Variants in ZFAND3 observed in about 807,000 individuals in gnomAD.
The protein encoded by ZFAND3 is AN1-type zinc finger protein 3.
ZFAND3 carries 10 observed loss-of-function variants against 29.6 expected under a neutral mutation model. The observed-to-expected ratio is 0.34, with a 90% CI of 0.21 to 0.57. The LOEUF (loss-of-function observed/expected upper bound fraction) is 0.57. ZFAND3 is among the 20% of genes least tolerant of loss of function. The pLI, the probability that ZFAND3 is intolerant of heterozygous loss-of-function variation, is 0.86. For missense variants in ZFAND3, 230 were observed against 304.5 expected (o/e 0.76, Z 1.82); for synonymous variants, 128 against 112.6 (o/e 1.14, Z -0.87).
At chr6:37,999,252 A>G (rs575550760) in intron 2 of ZFAND3, among the ~76,000 whole-genome samples, 1 of 152,346 alleles carries the variant, frequency 6.6e-6, no homozygotes, top group South Asian at 2.1e-4. Context: ...CCCGAAATAT[A>G]AAATAAATAT....
chr6:37,846,342 G>A (rs1764176552), intron 1 of ZFAND3, among the ~76,000 whole-genome samples: 1 of 152,208 alleles, frequency 6.6e-6, no homozygotes, highest in Admixed American at 6.6e-5. Context: ...AGGTGCAGCT[G>A]TTTGGAAGGC....
At chr6:38,065,734 C>T (rs1390238189) in intron 3 of ZFAND3, among the ~76,000 whole-genome samples, 1 of 152,112 alleles carries the variant, frequency 6.6e-6, no homozygotes, top group Non-Finnish European at 1.5e-5. Flanking sequence ...TGCTTTCAGT[C>T]ACTATAAGAT....
chr6:38,040,831 A>C (rs1763746368), intron 2 of ZFAND3, among the ~76,000 whole-genome samples: 1 of 152,240 alleles, frequency 6.6e-6, no homozygotes, highest in African/African-American at 2.4e-5. Flanking sequence ...ATTTAACCAC[A>C]GTACAATTAT....
At chr6:37,906,220 G>A (rs745314054) in intron 1 of ZFAND3, among the ~76,000 whole-genome samples, 7 of 152,028 alleles carry the variant, frequency 4.6e-5, no homozygotes, top group African/African-American at 7.2e-5. Flanking sequence ...CTCTGTATCC[G>A]CTTGCAGCCA....
intron 5 of ZFAND3, among the ~76,000 whole-genome samples, chr6:38,118,250 G>A (rs900653318): frequency 2.6e-5 from 4 of 152,142 alleles, no homozygotes; most frequent in African/African-American, 4.8e-5. Flanking sequence ...TGGTGATGTA[G>A]GGCAGGGACA....
chr6:37,891,160 C>T (rs992694879), intron 1 of ZFAND3, among the ~76,000 whole-genome samples: 1 of 152,174 alleles, frequency 6.6e-6, no homozygotes, highest in African/African-American at 2.4e-5. Context: ...TGGAATCATA[C>T]AATACGTGGT....
chr6:37,834,615 C>T (rs1304574649), intron 1 of ZFAND3, among the ~76,000 whole-genome samples: 1 of 152,116 alleles, frequency 6.6e-6, no homozygotes, highest in Non-Finnish European at 1.5e-5. Context: ...TTCCTATCAG[C>T]AGTGAATGAG....
chr6:38,140,104 AT>A (rs1275314240), intron 5 of ZFAND3, among the ~76,000 whole-genome samples: 1 of 152,228 alleles, frequency 6.6e-6, no homozygotes, highest in Non-Finnish European at 1.5e-5. Context: ...GAAGAAGCAG[AT>A]TTGTGAGGAA....
intron 5 of ZFAND3, among the ~76,000 whole-genome samples, chr6:38,119,775 C>G (rs990283533): frequency 6.6e-6 from 1 of 152,220 alleles, no homozygotes; most frequent in Non-Finnish European, 1.5e-5. Context: ...TCATCGAGAG[C>G]ACACACAGAC....
chr6:37,864,018 C>G (rs1764540766), intron 1 of ZFAND3, among the ~76,000 whole-genome samples: 1 of 151,988 alleles, frequency 6.6e-6, no homozygotes, highest in African/African-American at 2.4e-5. Context: ...TTTGCTTGTT[C>G]TAAAAGTTTG....
chr6:37,901,939 C>G (rs887456409), intron 1 of ZFAND3, among the ~76,000 whole-genome samples: 1 of 152,172 alleles, frequency 6.6e-6, no homozygotes. Context: ...ACTTGGTTCT[C>G]TGGTGCTGTA....
intron 4 of ZFAND3, among the ~76,000 whole-genome samples, chr6:38,091,825 C>T (rs1462481461): frequency 6.6e-6 from 1 of 151,664 alleles, no homozygotes; most frequent in African/African-American, 2.4e-5. Flanking sequence ...GGCATGGAGG[C>T]CTTATTACTG....
intron 1 of ZFAND3, among the ~76,000 whole-genome samples, chr6:37,846,607 T>A (rs1343875040): frequency 1.2e-4 from 18 of 152,186 alleles, no homozygotes; most frequent in Admixed American, 1.2e-3. Context: ...GTAAAGAGTC[T>A]GGAACTTGCC....
chr6:37,959,650 C>T (rs185795915), intron 2 of ZFAND3, among the ~76,000 whole-genome samples: 3 of 152,232 alleles, frequency 2.0e-5, no homozygotes, highest in Admixed American at 1.3e-4. Flanking sequence ...ATTATTGGAA[C>T]TTACTATAAA....
At chr6:37,947,157 G>C (rs754033343) in intron 2 of ZFAND3, among the ~76,000 whole-genome samples, 3 of 151,984 alleles carry the variant, frequency 2.0e-5, no homozygotes, top group Admixed American at 6.5e-5. Flanking sequence ...ATCTTTCTTT[G>C]TTCAAATTTC....
intron 4 of ZFAND3, among the ~76,000 whole-genome samples, chr6:38,091,779 A>G (rs1278591634): frequency 6.6e-6 from 1 of 151,286 alleles, no homozygotes; most frequent in Non-Finnish European, 1.5e-5. Context: ...GTTATTACAT[A>G]ATAGGTGGGT....
At chr6:37,872,333 A>G (rs1382090958) in intron 1 of ZFAND3, among the ~76,000 whole-genome samples, 1 of 152,104 alleles carries the variant, frequency 6.6e-6, no homozygotes, top group African/African-American at 2.4e-5. Context: ...TTTTGTCCAG[A>G]GTTTATGGTT....
chr6:38,090,719 CT>C (rs1164016147), intron 4 of ZFAND3, among the ~76,000 whole-genome samples: 2 of 152,082 alleles, frequency 1.3e-5, no homozygotes, highest in African/African-American at 4.8e-5. Flanking sequence ...CCTGGAAGAA[CT>C]TTAATCAGTC....
chr6:37,894,392 T>G (rs1765158751), intron 1 of ZFAND3, among the ~76,000 whole-genome samples: 1 of 152,172 alleles, frequency 6.6e-6, no homozygotes, highest in African/African-American at 2.4e-5. Context: ...TTTCCCTTTT[T>G]TTTTTTAAGT....
Sources: gnomAD v4.1 joint callset for allele counts (sites outside exome capture counted in the v4.1 genomes callset) on GRCh38, gnomAD v4.1.1 for gene constraint, MANE v1.5 for transcripts, NCBI Gene and HGNC (gene_info 2026-07-23, HGNC 2026-07-21) for gene names.